TUT4: variants seen among roughly 807,000 people sequenced by gnomAD.
TUT4 encodes the protein terminal uridylyl transferase 4, also known as terminal uridylyltransferase 4.
Under a neutral mutation model 192.2 loss-of-function variants are expected in TUT4, and 36 were observed. The ratio of observed to expected loss-of-function variants is 0.19; its 90% confidence interval spans 0.14 to 0.25. TUT4 has a LOEUF of 0.25. TUT4 is among the 10% of genes least tolerant of loss of function. The pLI, the probability that TUT4 is intolerant of heterozygous loss-of-function variation, is 1.00. For missense variants in TUT4, 1,493 were observed against 1,957.2 expected, an observed-to-expected ratio of 0.76 and a Z score of 4.47; for synonymous variants, 618 against 666.0, an observed-to-expected ratio of 0.93 and a Z score of 1.11.
Position 52,490,733 on chromosome 1 carries a change from T to C in TUT4, c.1387A>G (p.Ser463Gly). The C allele has an allele frequency of 6.2e-7, 1 of 1,605,370 alleles. No homozygotes were observed. ...TATTTTATCTTCATTGTTACCAACC[T>C]TTTTCGATCTCTGCACACCACAACA... ...VPVVVCRDRK[S>G]GLLCRVSAGN... Residue 463 changes from serine (S) to glycine (G), a missense_variant and splice_region_variant, in exon 8 of 30, where the codon AGT (serine) becomes GGT (glycine). Around this residue, in one of 7 missense-constraint regions of TUT4, gnomAD observed 437 missense variants for 577.6 expected, o/e 0.76. Coordinates refer to ENST00000257177, the MANE Select transcript of TUT4 (RefSeq NM_001009881.3).
intron 22 of TUT4, 43 bp downstream of exon 22, chr1:52,446,222 C>T: frequency 6.4e-7 from 1 of 1,563,228 alleles, no homozygotes; most frequent in Non-Finnish European, 8.6e-7. Flanking sequence ...TTTCGTTGAC[C>T]AAATTTTGGT....
At chr1:52,474,286 T>C (rs747838190) in intron 13 of TUT4, among the ~76,000 whole-genome samples, 10 of 152,198 alleles carry the variant, frequency 6.6e-5, no homozygotes, top group East Asian at 1.9e-4. Flanking sequence ...GTAATTCATA[T>C]AGGATAAGCC....
intron 10 of TUT4, 23 bp from the exon 11 acceptor site, chr1:52,481,658 T>C: frequency 6.4e-7 from 1 of 1,559,042 alleles, no homozygotes; most frequent in Non-Finnish European, 8.6e-7. Context: ...GCATTCCAAA[T>C]TGGTAGTGGA....
chr1:52,518,382 T>C (rs1411596656), intron 2 of TUT4, among the ~76,000 whole-genome samples: 1 of 152,246 alleles, frequency 6.6e-6, no homozygotes, highest in Admixed American at 6.5e-5. Context: ...AAGGTCACTG[T>C]CTGGTGAGGG....
In TUT4 at chr1:52,495,440, T is replaced by C. The variant is rs1672213098; in HGVS notation, c.1253A>G (p.Lys418Arg). The change falls in exon 6 of 30, where the codon AAA becomes AGA. Residue 418 changes from lysine to arginine, a missense_variant. Lys to Arg is a conservative substitution (Grantham distance 26). Around this residue, in one of 7 missense-constraint regions of TUT4, gnomAD observed 437 missense variants for 577.6 expected, o/e 0.76. Coordinates refer to ENST00000257177, the MANE Select transcript of TUT4 (RefSeq NM_001009881.3). ...CTAATTACTTACCTTGGGAGGAAAT[T>C]TTATATCTATATTAACATCACTACT... ...LKSSDVNIDI[K>R]FPPKMNHPDL... 6.2e-7 allele frequency: 1 copy of C among 1,604,866 alleles called. No homozygotes were observed. Among genetic ancestry groups the C allele is most frequent in the Non-Finnish European group, 8.5e-7 (1 of 1,174,314 alleles).
At chr1:52,464,497 G>A (rs550870007) in intron 16 of TUT4, among the ~76,000 whole-genome samples, 3 of 151,952 alleles carry the variant, frequency 2.0e-5, no homozygotes, top group East Asian at 1.9e-4. Context: ...CTCATGATCC[G>A]CCCACCTTGG....
rs919559320 is a variant in TUT4, at chr1:52,502,609, CTTTTT to C, written c.1000-5431_1000-5427del. On this transcript the variant is annotated intron_variant, in intron 4 of 29. Transcript: ENST00000257177. Reference sequence around the variant, plus strand: ...TCATTAAGTAAGCCCTCTTAGCCCTCTTTTTTTTTTTTTTTTTTTTTTTGAGATGG... The same window carrying C: ...TCATTAAGTAAGCCCTCTTAGCCCTCTTTTTTTTTTTTTTTTTTGAGATGG... 3.4e-3 allele frequency among the ~76,000 whole-genome samples: 279 copies of C among 82,124 alleles called. 1 individual carries two copies. Among genetic ancestry groups the C allele is most frequent in the African/African-American group, 0.014 (266 of 18,638 alleles). 53.9% of individuals were successfully genotyped at this position (82,124 alleles called of 152,430 possible). A position where few individuals can be genotyped will look rare whatever the true frequency, so the allele number is the denominator to read the frequency against.
At chr1:52,489,730 C>A (rs1351086554) in intron 8 of TUT4, among the ~76,000 whole-genome samples, 5 of 152,120 alleles carry the variant, frequency 3.3e-5, no homozygotes, top group African/African-American at 1.2e-4. Context: ...CACTTTGCCT[C>A]CATTTTCCAA....
At chr1:52,449,473 A>AT (rs1658687246) in intron 20 of TUT4, among the ~76,000 whole-genome samples, 1 of 151,852 alleles carries the variant, frequency 6.6e-6, no homozygotes. Context: ...TAATTTTTGT[A>AT]TTTTTTAGTA....
At position 52,431,339 on chromosome 1, in the gene TUT4, T is replaced by G; in HGVS notation, c.4385A>C (p.Gln1462Pro). ...GSQPKLGPPQQGAQPPHQVQM... is the reference protein window; with the variant it reads ...GSQPKLGPPQPGAQPPHQVQM... ...GACCTGATGGGGAGGTTGGGCTCCC[T>G]GCTGAGGTGGGCCAAGCTTAGGTTG... The change falls in exon 28 of 30, where the codon CAG (glutamine) becomes CCG (proline). Residue 1462 changes from glutamine (Q) to proline (P), a missense_variant. Around this residue, in one of 7 missense-constraint regions of TUT4, gnomAD observed 351 missense variants for 397.8 expected, o/e 0.88. Coordinates refer to ENST00000257177, the MANE Select transcript of TUT4 (RefSeq NM_001009881.3). 1 of 1,614,148 alleles carries G rather than the reference T, an allele frequency of 6.2e-7. No homozygotes were observed. Among genetic ancestry groups the G allele is most frequent in the Non-Finnish European group, 8.5e-7 (1 of 1,180,032 alleles).
intron 2 of TUT4, among the ~76,000 whole-genome samples, chr1:52,518,986 TAG>T (rs1414472441): frequency 6.6e-6 from 1 of 152,162 alleles, no homozygotes; most frequent in East Asian, 1.9e-4. Flanking sequence ...AACTTAAATA[TAG>T]AGTTAGCATA....
intron 24 of TUT4, among the ~76,000 whole-genome samples, chr1:52,443,504 G>A (rs528385651): frequency 2.6e-5 from 4 of 151,696 alleles, no homozygotes; most frequent in East Asian, 2.0e-4. Context: ...CAGGAGAATC[G>A]CTTGAACCTG....
chr1:52,514,492 C>T (rs1678163979), intron 3 of TUT4, among the ~76,000 whole-genome samples: 1 of 152,024 alleles, frequency 6.6e-6, no homozygotes, highest in Admixed American at 6.6e-5. Context: ...AAAAGACTTC[C>T]TTTTAACTAG....
intron 1 of TUT4, among the ~76,000 whole-genome samples, chr1:52,527,834 G>A (rs1682230973): frequency 6.6e-6 from 1 of 152,000 alleles, no homozygotes; most frequent in Admixed American, 6.6e-5. Flanking sequence ...GGGTATATAT[G>A]GCAACTTTGC....
At chr1:52,493,587 A>G (rs1557840178) in intron 7 of TUT4, 24 bp downstream of exon 7, 1 of 1,405,906 alleles carries the variant, frequency 7.1e-7, no homozygotes, top group Admixed American at 2.2e-5. Context: ...AAAAAAAAAG[A>G]AAAGAAAAAG....
intron 1 of TUT4, among the ~76,000 whole-genome samples, chr1:52,526,783 G>C (rs1681883250): frequency 6.6e-6 from 1 of 152,154 alleles, no homozygotes; most frequent in Non-Finnish European, 1.5e-5. Context: ...CCAGCACTTT[G>C]GGAGGTCAAG....
At chr1:52,491,581 G>A (rs529877544) in intron 7 of TUT4, among the ~76,000 whole-genome samples, 6 of 152,208 alleles carry the variant, frequency 3.9e-5, no homozygotes, top group Admixed American at 6.5e-5. Context: ...CCAGCTACTC[G>A]GGAGGCTGAG....
intron 1 of TUT4, among the ~76,000 whole-genome samples, chr1:52,544,634 G>T (rs764883456): frequency 6.6e-6 from 1 of 152,204 alleles, no homozygotes; most frequent in Non-Finnish European, 1.5e-5. Context: ...AAAGCTTCAT[G>T]ACACTGGAGT....
intron 29 of TUT4, 187 bp from the exon 30 acceptor site, chr1:52,424,189 AAAAAG>A (rs1649007561): frequency 1.7e-6 from 1 of 597,968 alleles, no homozygotes; most frequent in Non-Finnish European, 2.9e-6. Flanking sequence ...CTGTATGTGA[AAAAAG>A]GAGAGGACAC....
Sources: gnomAD v4.1 joint callset for allele counts (sites outside exome capture counted in the v4.1 genomes callset) on GRCh38, gnomAD v4.1.1 for gene constraint, gnomAD v4.1.1 regional missense constraint, MANE v1.5 for transcripts, NCBI Gene and HGNC (gene_info 2026-07-23, HGNC 2026-07-21) for gene names.